The following DNAH9 variants were observed in gnomAD, a reference collection of about 807,000 sequenced individuals.
The protein encoded by DNAH9 is DNAH9 variant protein.
DNAH9 carries 345 observed loss-of-function variants against 471.6 expected under a neutral mutation model. That is an observed-to-expected ratio of 0.73 (90% CI 0.67 to 0.80). The LOEUF (loss-of-function observed/expected upper bound fraction) is 0.80, where lower values mean the gene tolerates loss of function less well. Ranked by LOEUF, DNAH9 falls within the 30% of genes least tolerant of loss-of-function variation. DNAH9 has a pLI of 0.00. For synonymous variants in DNAH9, 2,093 were observed against 2,123.6 expected (o/e 0.99, Z 0.40); for missense variants, 5,407 against 5,609.2 (o/e 0.96, Z 1.15).
Position 11,930,108 on chromosome 17 carries a change from G to A in DNAH9, c.12105+15G>A, listed in dbSNP as rs1452529060. ...ACTTCACTCAGGTACGGCCCCGGGA[G>A]GGAGGCAAAAACAGCAGCACACCTC... On this transcript the variant is annotated intron_variant, in intron 63 of 68. Transcript: ENST00000262442. 6.2e-7 allele frequency: 1 copy of A among 1,607,174 alleles called. No individual in the cohort carries two copies. The highest frequency in any genetic ancestry group is 2.2e-5 in the East Asian group (1 of 44,808).
At position 11,932,769 on chromosome 17, in the gene DNAH9, G is replaced by A. The variant is rs1974561294; in HGVS notation, c.12297+564G>A. Among the ~76,000 whole-genome samples, 1 of 152,154 alleles carries A rather than the reference G, an allele frequency of 6.6e-6. No homozygotes were observed. Among genetic ancestry groups the A allele is most frequent in the Non-Finnish European group, 1.5e-5 (1 of 68,040 alleles). On this transcript the variant is annotated intron_variant, in intron 64 of 68. Coordinates refer to ENST00000262442, the MANE Select transcript of DNAH9 (RefSeq NM_001372.4). This position sits in a 1 kb window ranked among gnomAD's most constrained non-coding sequence, Gnocchi z 4.3. ...GACTCACACAGTGAGTCAGTCCCATGAGAGTTTGTCCCGGGCCCCACCAGA... is the reference window on the plus strand; with the variant it reads ...GACTCACACAGTGAGTCAGTCCCATAAGAGTTTGTCCCGGGCCCCACCAGA...
chr17:11,604,409 G>A (rs550692832), intron 1 of DNAH9, among the ~76,000 whole-genome samples: 86 of 152,080 alleles, frequency 5.7e-4, no homozygotes, highest in Admixed American at 2.8e-3. Context: ...TTTCTTGGGG[G>A]CTGTCATTCA....
rs1010197844 is a variant in DNAH9 at position 11,962,326 on chromosome 17, T to G, written c.13233+70T>G. 1 of 1,503,526 alleles carries G rather than the reference T, an allele frequency of 6.7e-7. No homozygotes were observed. 93.1% of individuals were successfully genotyped at this position (1,503,526 alleles called of 1,614,324 possible). A position where few individuals can be genotyped will look rare whatever the true frequency, so the allele number is the denominator to read the frequency against. On this transcript the variant is annotated intron_variant, in intron 68 of 68. Transcript: ENST00000262442. The surrounding 1 kb of genome is among the most constrained non-coding windows in gnomAD (Gnocchi z 4.1). ...TAAATACACATTGCTTCCTATGAAG[T>G]GTGACTACTAAAAGAGATATTCCTG...
intron 32 of DNAH9, among the ~76,000 whole-genome samples, chr17:11,750,036 T>C (rs990594449): frequency 6.6e-6 from 1 of 152,206 alleles, no homozygotes; most frequent in Admixed American, 6.5e-5. Context: ...AAAATTTTAT[T>C]AGATTTATAC....
At position 11,768,482 on chromosome 17, in the gene DNAH9, A is replaced by G. The variant is rs761389300; in HGVS notation, c.7200A>G (p.Lys2400=). 2 of 1,613,920 alleles carry G rather than the reference A, an allele frequency of 1.2e-6. No individual in the cohort carries two copies. The highest frequency in any genetic ancestry group is 1.7e-5 in the Admixed American group (1 of 59,998). ...QLVDYRAEFS[K]WWLTEFKTVK... is the part of the protein sequence containing the mutation. ...TGGACTACCGGGCAGAGTTCAGCAA[A>G]TGGTGGCTGACTGAGTTCAAAACAG... The change falls in exon 37 of 69, where the codon AAA becomes AAG. Residue 2400 remains lysine, a synonymous_variant. Transcript: ENST00000262442.
intron 58 of DNAH9, among the ~76,000 whole-genome samples, chr17:11,893,100 A>G (rs1405136321): frequency 6.9e-6 from 1 of 143,988 alleles, no homozygotes; most frequent in Non-Finnish European, 1.5e-5. Flanking sequence ...GCCTGAGTTC[A>G]TGGGTGAGTG....
intron 7 of DNAH9, among the ~76,000 whole-genome samples, chr17:11,631,364 C>T: frequency 6.6e-6 from 1 of 152,156 alleles, no homozygotes; most frequent in Non-Finnish European, 1.5e-5. Context: ...CCAGGGGAAT[C>T]TTAGTTGGCC....
At chr17:11,872,605 G>A (rs577842826) in intron 52 of DNAH9, among the ~76,000 whole-genome samples, 1 of 152,298 alleles carries the variant, frequency 6.6e-6, no homozygotes, top group African/African-American at 2.4e-5. Flanking sequence ...CAGTCCACTT[G>A]AGGAGATTAG....
Position 11,778,348 on chromosome 17 carries a change from A to G in DNAH9, c.7553-2661A>G, listed in dbSNP as rs866327914. 2.7e-3 allele frequency among the ~76,000 whole-genome samples: 396 copies of G among 149,164 alleles called. 2 individuals are homozygous for G. Among genetic ancestry groups the G allele is most frequent in the African/African-American group, 9.0e-3 (364 of 40,316 alleles). On this transcript the variant is annotated intron_variant, in intron 38 of 68. Coordinates refer to ENST00000262442, the MANE Select transcript of DNAH9 (RefSeq NM_001372.4). ...CCATCTCAAAAAAAAAAAAAAAAAA[A>G]AAAAAAAAAAAAAAGAAAAGGGAAG...
intron 36 of DNAH9, among the ~76,000 whole-genome samples, chr17:11,768,079 A>G (rs1968041951): frequency 6.6e-6 from 1 of 152,106 alleles, no homozygotes. Flanking sequence ...CATCCTGGGA[A>G]CTGCAGAGAA....
Position 11,711,975 on chromosome 17 carries a change from T to A in DNAH9, c.5552+6790T>A, listed in dbSNP as rs2074847007. Among the ~76,000 whole-genome samples, 2 of 12,182 alleles carry A rather than the reference T, an allele frequency of 1.6e-4. 1 individual carries two copies. The highest frequency in any genetic ancestry group is 3.1e-4 in the African/African-American group (2 of 6,532). 8.0% of individuals were successfully genotyped at this position (12,182 alleles called of 152,430 possible). On this transcript the variant is annotated intron_variant, in intron 26 of 68. Coordinates refer to ENST00000262442, the MANE Select transcript of DNAH9 (RefSeq NM_001372.4). ...TTATATATAAATATATATATTTGTA[T>A]ATATATTTATATATAAATATATATA...
chr17:11,703,912 C>T (rs1302578663), intron 24 of DNAH9, among the ~76,000 whole-genome samples: 5 of 152,162 alleles, frequency 3.3e-5, no homozygotes, highest in African/African-American at 9.7e-5. Flanking sequence ...GATTCATCCC[C>T]GTCACAATTT....
chr17:11,906,148 A>G (rs1010695316), intron 61 of DNAH9, among the ~76,000 whole-genome samples: 1 of 152,188 alleles, frequency 6.6e-6, no homozygotes, highest in African/African-American at 2.4e-5. Flanking sequence ...CGATTCCTCA[A>G]AGACCTAGAG....
At chr17:11,884,166 G>A (rs781698536) in intron 56 of DNAH9, among the ~76,000 whole-genome samples, 10 of 152,116 alleles carry the variant, frequency 6.6e-5, no homozygotes, top group South Asian at 2.1e-4. Context: ...CCACCGGACC[G>A]CAGAATCTCA....
intron 22 of DNAH9, among the ~76,000 whole-genome samples, chr17:11,698,305 A>C (rs977355775): frequency 1.4e-5 from 2 of 138,680 alleles, no homozygotes; most frequent in Non-Finnish European, 3.0e-5. Flanking sequence ...ATATTAGATT[A>C]GATAGAAAAT....
Position 11,598,895 on chromosome 17 carries a change from C to T in DNAH9, c.397C>T (p.Leu133=). The part of the protein sequence containing the change: ...GDLPAAPLEH[L]AALFSEVVLP... ...CCTGCCCGCGGCACCTCTGGAGCAC[C>T]TAGCCGCGCTGTTCTCGGAGGTGAG... is the stretch of plus-strand genomic sequence containing the variant. Residue 133 remains leucine (L), a synonymous_variant, in exon 1 of 69, where the codon CTA becomes TTA. Transcript: ENST00000262442. The T allele has an allele frequency of 6.5e-7, 1 of 1,537,126 alleles. No homozygotes were observed. The highest frequency in any genetic ancestry group is 1.2e-5 in the South Asian group (1 of 84,718).
At chr17:11,747,393 A>C (rs1249235579) in intron 31 of DNAH9, among the ~76,000 whole-genome samples, 163 bp from the exon 32 acceptor site, 2 of 152,212 alleles carry the variant, frequency 1.3e-5, no homozygotes, top group Non-Finnish European at 1.5e-5. Flanking sequence ...CAAATGAATC[A>C]TGTTGCCCCT....
intron 43 of DNAH9, among the ~76,000 whole-genome samples, chr17:11,803,356 G>A (rs558297130): frequency 6.6e-6 from 1 of 152,000 alleles, no homozygotes; most frequent in Admixed American, 6.6e-5. Context: ...TTTGTGCCCT[G>A]AGAATCTTAC....
intron 67 of DNAH9, among the ~76,000 whole-genome samples, chr17:11,956,156 AT>A (rs1199989605): frequency 6.6e-6 from 1 of 151,990 alleles, no homozygotes; most frequent in Admixed American, 6.6e-5. Flanking sequence ...ATGAGAAAAA[AT>A]ATAATATAAA....
Sources: allele counts gnomAD v4.1 joint callset (sites outside exome capture counted in the v4.1 genomes callset), GRCh38; gene constraint gnomAD v4.1.1; non-coding constraint Gnocchi (gnomAD v3.1); transcripts MANE v1.5; gene names NCBI Gene and HGNC (gene_info 2026-07-23, HGNC 2026-07-21).